R3HDM1: variants seen among roughly 807,000 people sequenced by gnomAD.
R3HDM1 encodes the protein R3H domain containing 1.
R3HDM1 carries 46 observed loss-of-function variants against 141.1 expected under a neutral mutation model. The ratio of observed to expected loss-of-function variants is 0.33; its 90% CI spans 0.26 to 0.42. R3HDM1 has a LOEUF of 0.42. Ranked by LOEUF, R3HDM1 falls within the 10% of genes least tolerant of loss-of-function variation. R3HDM1 has a pLI of 1.00. For missense variants in R3HDM1, 1,184 were observed against 1,368.3 expected, an observed-to-expected ratio of 0.87 and a Z score of 2.12; for synonymous variants, 435 against 472.9, an observed-to-expected ratio of 0.92 and a Z score of 1.04.
chr2:135,635,073 G>A (rs190599128), intron 9 of R3HDM1, among the ~76,000 whole-genome samples: 4 of 152,252 alleles, frequency 2.6e-5, no homozygotes, highest in African/African-American at 4.8e-5. Flanking sequence ...TTTCATAATC[G>A]TTACTTTAGG....
intron 19 of R3HDM1, among the ~76,000 whole-genome samples, chr2:135,671,314 A>C (rs1320119662): frequency 6.6e-6 from 1 of 151,858 alleles, no homozygotes; most frequent in Non-Finnish European, 1.5e-5. Flanking sequence ...TGAAAAGGTG[A>C]TTAAATGTGT....
chr2:135,610,067 T>TA (rs1450409351), intron 3 of R3HDM1, among the ~76,000 whole-genome samples: 1 of 151,982 alleles, frequency 6.6e-6, no homozygotes, highest in African/African-American at 2.4e-5. Context: ...TTAAAAAACT[T>TA]AGAGTAAATT....
intron 24 of R3HDM1, chr2:135,721,645 T>C (rs1348626449): frequency 3.6e-6 from 1 of 281,072 alleles, no homozygotes. Context: ...TGGAATATAG[T>C]GGCGCCATCT....
intron 7 of R3HDM1, among the ~76,000 whole-genome samples, chr2:135,626,205 G>GTGTGTGCT (rs769901090): frequency 0.052 from 6,052 of 116,120 alleles, 138 homozygotes; most frequent in African/African-American, 0.089. Context: ...GCGTGCGTGC[G>GTGTGTGCT]TGCGTGCTTG....
At chr2:135,549,381 C>G (rs1699372210) in intron 1 of R3HDM1, among the ~76,000 whole-genome samples, 1 of 151,676 alleles carries the variant, frequency 6.6e-6, no homozygotes, top group Non-Finnish European at 1.5e-5. Context: ...ATGATGAAAC[C>G]CTGTCTCTAC....
Position 135,651,881 on chromosome 2 carries a change from C to T in R3HDM1, c.1877C>T (p.Pro626Leu). The T allele has an allele frequency of 1.2e-6, 2 of 1,614,022 alleles. No individual in the cohort carries two copies. The highest frequency in any genetic ancestry group is 1.7e-6 in the Non-Finnish European group (2 of 1,180,002). Residue 626 changes from proline (P) to leucine (L), a missense_variant, in exon 18 of 27, where the codon CCA becomes CTA. Physicochemically the swap from Pro to Leu is moderately conservative, Grantham distance 98 (BLOSUM62 -3). Transcript: ENST00000683871. ...SGYIMTAAPP[P>L]HPPPPPPPPP... ...TATATCATGACAGCAGCCCCTCCACCACATCCTCCTCCACCGCCACCACCA... is the reference window on the plus strand; with the variant it reads ...TATATCATGACAGCAGCCCCTCCACTACATCCTCCTCCACCGCCACCACCA...
intron 17 of R3HDM1, chr2:135,650,843 T>TG (rs2065076265): frequency 1.0e-6 from 1 of 985,122 alleles, no homozygotes; most frequent in African/African-American, 1.7e-5. Flanking sequence ...TTTGATATGA[T>TG]GACTCAATTG....
At chr2:135,576,697 T>G (rs1027574436) in intron 1 of R3HDM1, among the ~76,000 whole-genome samples, 1 of 152,186 alleles carries the variant, frequency 6.6e-6, no homozygotes, top group Non-Finnish European at 1.5e-5. Flanking sequence ...TGATACATGC[T>G]ACAATGTGGG....
In R3HDM1 at chr2:135,531,487, C is replaced by T. The variant is rs1694660332; in HGVS notation, c.-396C>T. 1.0e-6 allele frequency: 1 copy of T among 985,828 alleles called. No homozygotes were observed. Among genetic ancestry groups the T allele is most frequent in the Non-Finnish European group, 1.2e-6 (1 of 830,062 alleles). 61.1% of individuals were successfully genotyped at this position (985,828 alleles called of 1,614,324 possible). ...GTGCGTGGTGGGAAGGGGCGGGATTCTGCCAGCCGCGGCTGCCGCTGGAGC... is the reference window on the plus strand; with the variant it reads ...GTGCGTGGTGGGAAGGGGCGGGATTTTGCCAGCCGCGGCTGCCGCTGGAGC... On this transcript the variant is annotated 5_prime_UTR_variant, in exon 1 of 27. Coordinates refer to ENST00000683871, the MANE Select transcript of R3HDM1 (RefSeq NM_001378107.1).
intron 7 of R3HDM1, among the ~76,000 whole-genome samples, chr2:135,624,129 C>G (rs1178786591): frequency 6.6e-6 from 1 of 152,218 alleles, no homozygotes; most frequent in Admixed American, 6.5e-5. Flanking sequence ...GGCGCAGTGG[C>G]TCACGCTTGT....
chr2:135,639,787 C>T (rs575265964), intron 14 of R3HDM1, among the ~76,000 whole-genome samples: 1 of 152,088 alleles, frequency 6.6e-6, no homozygotes, highest in African/African-American at 2.4e-5. Flanking sequence ...CCAAAATAAG[C>T]GTGAAAGTCA....
intron 1 of R3HDM1, among the ~76,000 whole-genome samples, chr2:135,561,634 C>A (rs1701810557): frequency 6.6e-6 from 1 of 151,986 alleles, no homozygotes; most frequent in African/African-American, 2.4e-5. Flanking sequence ...GGAAGCATCA[C>A]CTGAGCCCAA....
intron 1 of R3HDM1, among the ~76,000 whole-genome samples, chr2:135,538,668 C>T (rs1372284809): frequency 6.6e-6 from 1 of 152,190 alleles, no homozygotes; most frequent in Non-Finnish European, 1.5e-5. Flanking sequence ...GACTGGAGTG[C>T]AGTGGCACGA....
intron 5 of R3HDM1, among the ~76,000 whole-genome samples, chr2:135,617,192 T>A (rs943633343): frequency 2.0e-5 from 3 of 151,526 alleles, no homozygotes; most frequent in African/African-American, 7.3e-5. Context: ...CCGGGCATGG[T>A]GGTGGGCGCC....
intron 1 of R3HDM1, among the ~76,000 whole-genome samples, chr2:135,546,477 A>T (rs1404846092): frequency 6.6e-6 from 1 of 152,140 alleles, no homozygotes; most frequent in Non-Finnish European, 1.5e-5. Context: ...GGTGGACAAT[A>T]ATTCTATAAA....
chr2:135,651,484 A>G (rs1378037653), intron 17 of R3HDM1: 10 of 965,408 alleles, frequency 1.0e-5, no homozygotes, highest in Non-Finnish European at 1.2e-5. Flanking sequence ...GTTGTACCCT[A>G]CTCTTTTCTG....
intron 6 of R3HDM1, chr2:135,622,386 G>C: frequency 1.0e-6 from 1 of 984,422 alleles, no homozygotes; most frequent in African/African-American, 1.7e-5. Flanking sequence ...AAAGAATTTA[G>C]AGGAAATTAA....
chr2:135,534,081 T>C (rs551308418), intron 1 of R3HDM1: 1 of 955,824 alleles, frequency 1.0e-6, no homozygotes, highest in East Asian at 1.2e-4. Flanking sequence ...ATATAGTGAC[T>C]TAAGCACAGT....
chr2:135,577,044 G>GA (rs1158925019), intron 1 of R3HDM1: 79,594 of 555,970 alleles, frequency 0.14, no homozygotes, highest in Non-Finnish European at 0.16. Flanking sequence ...TGTTACAAAA[G>GA]AAAAAAAAAA....
Sources: gnomAD v4.1 joint callset for allele counts (sites outside exome capture counted in the v4.1 genomes callset) on GRCh38, gnomAD v4.1.1 for gene constraint, MANE v1.5 for transcripts, NCBI Gene and HGNC (gene_info 2026-07-23, HGNC 2026-07-21) for gene names.